The following DOCK10 variants were observed in gnomAD, a reference collection of about 807,000 sequenced individuals.
The protein encoded by DOCK10 is dedicator of cytokinesis 10.
In DOCK10, 145 loss-of-function variants were observed where a neutral mutation model predicts 280.1. The ratio of observed to expected loss-of-function variants is 0.52; its 90% CI spans 0.45 to 0.59. The LOEUF (loss-of-function observed/expected upper bound fraction) is 0.59. DOCK10 is among the 20% of genes least tolerant of loss of function. The probability of loss-of-function intolerance (pLI) is 0.00; values close to 1 mark genes in which losing one functional copy is unlikely to be tolerated. For missense variants in DOCK10, 2,368 were observed against 2,651.7 expected (o/e 0.89, Z 2.35); for synonymous variants, 915 against 942.2 (o/e 0.97, Z 0.53).
intron 2 of DOCK10, among the ~76,000 whole-genome samples, chr2:224,926,770 G>T (rs1415610771): frequency 6.6e-6 from 1 of 152,140 alleles, no homozygotes; most frequent in Admixed American, 6.5e-5. Context: ...AAGCCTTTTG[G>T]TTCCTCAAGG....
chr2:225,018,910 G>A (rs1038568760), intron 1 of DOCK10, among the ~76,000 whole-genome samples: 36 of 138,528 alleles, frequency 2.6e-4, no homozygotes, highest in East Asian at 1.8e-3. Context: ...TATGTATATC[G>A]TTATATATGT....
At chr2:225,029,889 A>C (rs1244606223) in intron 1 of DOCK10, among the ~76,000 whole-genome samples, 4 of 152,100 alleles carry the variant, frequency 2.6e-5, no homozygotes, top group Admixed American at 2.6e-4. Flanking sequence ...CACACCTGTA[A>C]TCCCAGCACT....
At chr2:225,041,025 G>A (rs1338885483) in intron 1 of DOCK10, among the ~76,000 whole-genome samples, 1 of 150,988 alleles carries the variant, frequency 6.6e-6, no homozygotes, top group African/African-American at 2.4e-5. Context: ...CCACCAATTC[G>A]TTTCACACTC....
intron 51 of DOCK10, 66 bp from the exon 52 acceptor site, chr2:224,775,181 C>A: frequency 6.9e-7 from 1 of 1,453,484 alleles, no homozygotes; most frequent in Non-Finnish European, 9.6e-7. Context: ...CGGGAAGCTC[C>A]CATTCCCTCA....
intron 1 of DOCK10, among the ~76,000 whole-genome samples, chr2:225,001,580 G>C (rs1706431853): frequency 6.6e-6 from 1 of 152,190 alleles, no homozygotes; most frequent in Non-Finnish European, 1.5e-5. Flanking sequence ...GAGCCACTGT[G>C]CCTGGCCAGT....
intron 19 of DOCK10, among the ~76,000 whole-genome samples, chr2:224,846,920 C>T (rs1696398060): frequency 6.6e-6 from 1 of 152,196 alleles, no homozygotes; most frequent in Non-Finnish European, 1.5e-5. Flanking sequence ...TCTGCCCTTT[C>T]ACAGGATCCC....
chr2:224,941,581 C>T (rs924655498), intron 1 of DOCK10, among the ~76,000 whole-genome samples: 7 of 152,056 alleles, frequency 4.6e-5, no homozygotes, highest in Non-Finnish European at 1.0e-4. Flanking sequence ...TGGTAGCTCA[C>T]GTCTGTAATC....
intron 2 of DOCK10, among the ~76,000 whole-genome samples, chr2:224,922,092 C>T (rs1701788900): frequency 6.8e-6 from 1 of 147,824 alleles, no homozygotes; most frequent in Admixed American, 6.8e-5. Context: ...GTACTCCAGC[C>T]CGGGCAGCAA....
At chr2:224,904,551 G>T (rs1452122352) in intron 3 of DOCK10, among the ~76,000 whole-genome samples, 1 of 152,138 alleles carries the variant, frequency 6.6e-6, no homozygotes, top group African/African-American at 2.4e-5. Context: ...CACTAACTGT[G>T]CTCTGGTCTA....
chr2:224,892,745 G>C (rs1559681604), intron 4 of DOCK10, among the ~76,000 whole-genome samples: 1 of 152,230 alleles, frequency 6.6e-6, no homozygotes. Context: ...AATGCCCTTG[G>C]GCAGGGAAGG....
chr2:224,834,400 T>C, intron 25 of DOCK10, 137 bp from the exon 26 acceptor site: 1 of 638,124 alleles, frequency 1.6e-6, no homozygotes, highest in Non-Finnish European at 2.8e-6. Flanking sequence ...GCAGGCCCAA[T>C]GATAAGAGCA....
chr2:224,999,739 A>G (rs1040980040), intron 1 of DOCK10, among the ~76,000 whole-genome samples: 9 of 129,868 alleles, frequency 6.9e-5, no homozygotes, highest in Admixed American at 5.7e-4. Flanking sequence ...TAGATTCTTT[A>G]GTCTAAAATG....
At chr2:225,029,834 C>T (rs780635155) in intron 1 of DOCK10, among the ~76,000 whole-genome samples, 2 of 151,970 alleles carry the variant, frequency 1.3e-5, no homozygotes, top group Non-Finnish European at 2.9e-5. Context: ...TAATAAAACT[C>T]ACAAAAGCTT....
chr2:224,891,513 C>T (rs185733919), intron 4 of DOCK10, among the ~76,000 whole-genome samples: 24 of 152,196 alleles, frequency 1.6e-4, no homozygotes, highest in Admixed American at 1.1e-3. Context: ...TCATATTTAA[C>T]GCTATATTAC....
At chr2:224,912,222 G>A (rs924615684) in intron 3 of DOCK10, among the ~76,000 whole-genome samples, 1 of 151,078 alleles carries the variant, frequency 6.6e-6, no homozygotes, top group African/African-American at 2.4e-5. Context: ...TGCAACCTCC[G>A]CCTTCTAGGT....
intron 26 of DOCK10, among the ~76,000 whole-genome samples, chr2:224,833,062 G>T (rs1415152872): frequency 6.6e-6 from 1 of 152,106 alleles, no homozygotes; most frequent in African/African-American, 2.4e-5. Flanking sequence ...TAACTGAGCA[G>T]TGACTCTCCC....
rs114577263 is a variant in DOCK10, at chr2:224,909,265, T to C, written c.333+7430A>G. On this transcript the variant is annotated intron_variant, in intron 3 of 55. Coordinates refer to ENST00000258390, the MANE Select transcript of DOCK10 (RefSeq NM_014689.3). ...CTCCTCAAACCCCTTGTGGGAGTGG[T>C]GCTTGTTTTATCACGGAAGTGTTTA... Among the ~76,000 whole-genome samples the C allele has an allele frequency of 4.4e-3, 669 of 152,358 alleles. 8 individuals are homozygous for C. The highest frequency in any genetic ancestry group is 0.015 in the African/African-American group (631 of 41,582).
chr2:224,977,916 G>A (rs967452237), intron 1 of DOCK10, among the ~76,000 whole-genome samples: 5 of 152,180 alleles, frequency 3.3e-5, no homozygotes, highest in Non-Finnish European at 7.3e-5. Flanking sequence ...AGTTTTGAAT[G>A]CCAAAGCCTT....
intron 11 of DOCK10, 46 bp from the exon 12 acceptor site, chr2:224,865,133 T>A (rs752618430): frequency 3.8e-6 from 6 of 1,568,028 alleles, no homozygotes; most frequent in Non-Finnish European, 5.2e-6. Context: ...AAAATCATTA[T>A]CCATGAGACA....
Sources: allele counts gnomAD v4.1 joint callset (sites outside exome capture counted in the v4.1 genomes callset), GRCh38; gene constraint gnomAD v4.1.1; transcripts MANE v1.5; gene names NCBI Gene and HGNC (gene_info 2026-07-23, HGNC 2026-07-21).